The following GPR21 variants were observed in gnomAD, a reference collection of about 807,000 sequenced individuals.
The protein encoded by GPR21 is probable G protein-coupled receptor 21.
In GPR21, 9 loss-of-function variants were observed where a neutral mutation model predicts 21.5. The observed-to-expected ratio is 0.42, with a 90% confidence interval of 0.25 to 0.73. GPR21 has a LOEUF of 0.73. Among genes scored for constraint, GPR21 ranks in the 30% least tolerant of loss-of-function variants. The pLI, the probability that GPR21 is intolerant of heterozygous loss-of-function variation, is 0.27. For missense variants in GPR21, 416 were observed against 428.9 expected, an observed-to-expected ratio of 0.97 and a Z score of 0.27; for synonymous variants, 169 against 159.3, an observed-to-expected ratio of 1.06 and a Z score of -0.46.
At chr9:123,042,990 A>T in the GPR21 span, among the ~76,000 whole-genome samples, 1 of 152,184 alleles carries the variant, frequency 6.6e-6, no homozygotes, top group African/African-American at 2.4e-5. Context: ...ACTTTTTGCC[A>T]CAATAAAGCT....
chr9:123,034,580 T>C lies in GPR21; in HGVS notation c.14T>C (p.Leu5Ser), dbSNP rs758684716. 1.2e-6 allele frequency: 2 copies of C among 1,602,980 alleles called. No individual in the cohort carries two copies. The highest frequency in any genetic ancestry group is 1.1e-5 in the South Asian group (1 of 88,756). The change falls in exon 2 of 2, where the codon TTG becomes TCG. Residue 5 changes from leucine to serine, a missense_variant. Coordinates refer to ENST00000616002, the MANE Select transcript of GPR21 (RefSeq NM_005294.3). MNST[L>S]DGNQSSHPFC... ...CCTGAGCTCAAGATGAACTCCACCT[T>C]GGATGGTAATCAGAGCAGCCACCCT...
chr9:123,047,919 G>GTTTTTTTTTTTTTT, the GPR21 span, among the ~76,000 whole-genome samples: 18 of 62,282 alleles, frequency 2.9e-4, 3 homozygotes, highest in Non-Finnish European at 4.6e-4. Context: ...CAGCTGCTGG[G>GTTTTTTTTTTTTTT]TTTTTTTTTT....
rs1320678779 is a variant in GPR21 at position 123,034,708 on chromosome 9, AT to A, written c.144del (p.Ile48MetfsTer2). 2 of 1,613,660 alleles carry A rather than the reference AT, an allele frequency of 1.2e-6. No homozygotes were observed. The highest frequency in any genetic ancestry group is 3.3e-5 in the Admixed American group (2 of 60,020). ...TGTATTGATTATTTCTGGCAACATC[AT>A]TGTGATTTTTGTATTTCACTGTGCA... ...LTVLIISGNI[I>X]VIFVFHCAPL... On this transcript the variant is annotated frameshift_variant, in exon 2 of 2. Coordinates refer to ENST00000616002, the MANE Select transcript of GPR21 (RefSeq NM_005294.3). LOFTEE classifies it high-confidence loss of function.
At chr9:123,038,093 G>C (rs1439708815), downstream of GPR21, among the ~76,000 whole-genome samples, 1 of 152,082 alleles carries the variant, frequency 6.6e-6, no homozygotes, top group East Asian at 1.9e-4. Flanking sequence ...TTTTAATGCA[G>C]TGATTTCAGT....
downstream of GPR21, among the ~76,000 whole-genome samples, chr9:123,039,576 A>G (rs943567587): frequency 1.3e-5 from 2 of 152,200 alleles, no homozygotes; most frequent in African/African-American, 4.8e-5. Context: ...TAAATAATAA[A>G]TAATATCTCT....
At position 123,034,271 on chromosome 9, in the gene GPR21, T is replaced by C. The variant is rs559983208; in HGVS notation, c.-296T>C. On this transcript the variant is annotated 5_prime_UTR_variant, in exon 2 of 2. Transcript: ENST00000616002. Reference sequence around the variant, plus strand: ...ACCCTCACTTGGCCTGAAGACGTTCTCCCCAGAGTTTACCTTGCTCCCCTG... The same window carrying C: ...ACCCTCACTTGGCCTGAAGACGTTCCCCCCAGAGTTTACCTTGCTCCCCTG... The C allele has an allele frequency of 4.7e-6, 2 of 424,948 alleles. No individual in the cohort carries two copies. Among genetic ancestry groups the C allele is most frequent in the Admixed American group, 8.0e-5 (2 of 24,898 alleles). 26.3% of individuals were successfully genotyped at this position (424,948 alleles called of 1,614,324 possible).
the GPR21 span, among the ~76,000 whole-genome samples, chr9:123,041,593 T>C: frequency 6.6e-6 from 1 of 152,086 alleles, no homozygotes; most frequent in Non-Finnish European, 1.5e-5. Flanking sequence ...CTATAAAGAA[T>C]AGCAAAGGTA....
In GPR21 at chr9:123,035,076, A is replaced by G; in HGVS notation, c.510A>G (p.Lys170=). The change falls in exon 2 of 2, where the codon AAA becomes AAG. Residue 170 remains lysine (K), a synonymous_variant. Coordinates refer to ENST00000616002, the MANE Select transcript of GPR21 (RefSeq NM_005294.3). ...TGCCTTCCTTTTTCCACTGGGGCAAACCTGGATATCATGGAGATGTGTTTC... is the reference window on the plus strand; with the variant it reads ...TGCCTTCCTTTTTCCACTGGGGCAAGCCTGGATATCATGGAGATGTGTTTC... ...VFLPSFFHWG[K]PGYHGDVFQW... 1.2e-6 allele frequency: 2 copies of G among 1,613,968 alleles called. No homozygotes were observed. Among genetic ancestry groups the G allele is most frequent in the Non-Finnish European group, 1.7e-6 (2 of 1,179,974 alleles).
At chr9:123,042,231 C>T in the GPR21 span, among the ~76,000 whole-genome samples, 1 of 152,220 alleles carries the variant, frequency 6.6e-6, no homozygotes, top group South Asian at 2.1e-4. Context: ...AAAATAGCCA[C>T]ATTCCCTGCC....
downstream of GPR21, among the ~76,000 whole-genome samples, chr9:123,039,539 C>T (rs1471768759): frequency 6.6e-6 from 1 of 152,136 alleles, no homozygotes; most frequent in African/African-American, 2.4e-5. Context: ...AAGCAACCTT[C>T]CATTTGGTCT....
downstream of GPR21, among the ~76,000 whole-genome samples, chr9:123,039,071 T>A (rs1031772695): frequency 6.6e-6 from 1 of 152,158 alleles, no homozygotes; most frequent in Admixed American, 6.6e-5. Flanking sequence ...GTAAAGTGCT[T>A]TGCAAATAAA....
chr9:123,046,959 A>T, the GPR21 span, among the ~76,000 whole-genome samples: 1 of 152,212 alleles, frequency 6.6e-6, no homozygotes, highest in Non-Finnish European at 1.5e-5. Flanking sequence ...ATAGTGACAG[A>T]GTTAATTATT....
At chr9:123,038,177 A>G (rs2032767592), downstream of GPR21, among the ~76,000 whole-genome samples, 1 of 152,130 alleles carries the variant, frequency 6.6e-6, no homozygotes, top group African/African-American at 2.4e-5. Flanking sequence ...CTTTAGTGAG[A>G]GCATTATCCT....
intron 1 of GPR21, among the ~76,000 whole-genome samples, chr9:123,033,970 T>G (rs1295756213): frequency 6.6e-6 from 1 of 152,194 alleles, no homozygotes; most frequent in Admixed American, 6.5e-5. Context: ...TTTTGTTTTA[T>G]GCTGATCTTG....
the GPR21 span, among the ~76,000 whole-genome samples, chr9:123,046,617 A>G: frequency 6.6e-6 from 1 of 152,364 alleles, no homozygotes; most frequent in African/African-American, 2.4e-5. Flanking sequence ...GAGCTAATGC[A>G]TGTAAAGCTC....
the GPR21 span, among the ~76,000 whole-genome samples, chr9:123,048,249 T>C: frequency 2.0e-5 from 3 of 152,190 alleles, no homozygotes; most frequent in Admixed American, 2.0e-4. Flanking sequence ...AACTGCTGTA[T>C]ATTTTTGCTA....
chr9:123,035,236 G>T lies in GPR21; in HGVS notation c.670G>T (p.Asp224Tyr). Residue 224 changes from aspartate (D) to tyrosine (Y), a missense_variant, in exon 2 of 2, where the codon GAT becomes TAT. Physicochemically the swap from Asp to Tyr is radical, Grantham distance 160 (BLOSUM62 -3). Transcript: ENST00000616002. Reference protein sequence around the residue: ...IFRICQQHTKDISERQARFSS... With the variant: ...IFRICQQHTKYISERQARFSS... The stretch of plus-strand genomic sequence containing the variant: ...CCGCATCTGCCAACAGCACACAAAG[G>T]ATATCAGCGAAAGGCAAGCCCGCTT... 6.2e-7 allele frequency: 1 copy of T among 1,614,154 alleles called. No individual in the cohort carries two copies.
At chr9:123,040,130 A>C (rs1588316462), downstream of GPR21, among the ~76,000 whole-genome samples, 1 of 152,146 alleles carries the variant, frequency 6.6e-6, no homozygotes, top group African/African-American at 2.4e-5. Context: ...TATAGTCTTT[A>C]GGTGTTTCTT....
At chr9:123,039,201 T>C (rs1451249200), downstream of GPR21, among the ~76,000 whole-genome samples, 1 of 152,168 alleles carries the variant, frequency 6.6e-6, no homozygotes, top group African/African-American at 2.4e-5. Context: ...CTGTGCTACT[T>C]AGCAATCCCA....
Sources: allele counts gnomAD v4.1 joint callset (sites outside exome capture counted in the v4.1 genomes callset), GRCh38; gene constraint gnomAD v4.1.1; transcripts MANE v1.5; gene names NCBI Gene and HGNC (gene_info 2026-07-23, HGNC 2026-07-21).